MFSD12: variants seen among roughly 807,000 people sequenced by gnomAD.
MFSD12 encodes the protein major facilitator superfamily domain-containing protein 12.
A neutral mutation model predicts 51.2 loss-of-function variants in MFSD12; 67 were observed. The observed-to-expected ratio is 1.31, with a 90% CI of 1.08 to 1.60. MFSD12 has a LOEUF of 1.60. Among genes scored for constraint, MFSD12 ranks in the 40% most tolerant of loss-of-function variants. The probability of loss-of-function intolerance (pLI) is 0.00; values close to 1 mark genes in which losing one functional copy is unlikely to be tolerated. For missense variants in MFSD12, 921 were observed against 673.0 expected (o/e 1.37, Z -4.08); for synonymous variants, 441 against 316.7 (o/e 1.39, Z -4.17).
Position 3,551,547 on chromosome 19 carries a change from G to A in MFSD12, c.299-353C>T, listed in dbSNP as rs540952185. Among the ~76,000 whole-genome samples the A allele has an allele frequency of 3.3e-5, 5 of 152,198 alleles. No individual in the cohort carries two copies. In the South Asian group the frequency reaches 1.0e-3, roughly 32 times the overall value. On this transcript the variant is annotated intron_variant, in intron 1 of 9. Transcript: ENST00000355415. The surrounding 1 kb of genome is among the most constrained non-coding windows in gnomAD (Gnocchi z 4.6). ...CAAGCCTCCCATAGGGCCTCGGGGA[G>A]CGGGAGGCCCAGGTGGGCCTGGGCT... is the stretch of plus-strand genomic sequence containing the variant.
intron 1 of MFSD12, among the ~76,000 whole-genome samples, chr19:3,554,038 C>T (rs150101712): frequency 5.3e-5 from 8 of 151,746 alleles, no homozygotes; most frequent in Non-Finnish European, 8.8e-5. Flanking sequence ...GCTGAGATCA[C>T]GCCACTGCCT....
chr19:3,545,946 C>T (rs999654192), intron 8 of MFSD12, 128 bp downstream of exon 8: 8 of 905,672 alleles, frequency 8.8e-6, no homozygotes, highest in African/African-American at 1.6e-5. Context: ...CTGCCTATGA[C>T]TCCCATTGGG....
At chr19:3,543,201 A>G (rs1048293143), downstream of MFSD12, 19 of 1,533,378 alleles carry the variant, frequency 1.2e-5, no homozygotes, top group Admixed American at 5.9e-5. Flanking sequence ...CGCTGTAGAC[A>G]TGGGCTCAGT....
downstream of MFSD12, chr19:3,543,890 C>G: frequency 1.9e-6 from 3 of 1,550,862 alleles, no homozygotes; most frequent in Non-Finnish European, 2.6e-6. Flanking sequence ...ACGTGCCCTC[C>G]CTGTCGGCAC....
chr19:3,540,035 T>G (rs966846546), downstream of MFSD12: 1 of 151,938 alleles, frequency 6.6e-6, no homozygotes, highest in African/African-American at 2.4e-5. Context: ...GAGGATCACT[T>G]GAGCCCAGGA....
Position 3,544,208 on chromosome 19 carries a change from CTCTT to C in MFSD12, c.*498_*501del, listed in dbSNP as rs1230401691. ...CAGACAGGAGCCAGGCTGCCGTCAT[CTCTT>C]TATTTGCTGCCAGCAGAGTCCACCA... On this transcript the variant is annotated 3_prime_UTR_variant, in exon 10 of 10. Transcript: ENST00000355415. 331 of 1,356,298 alleles carry C rather than the reference CTCTT, an allele frequency of 2.4e-4. No individual in the cohort carries two copies. In the Middle Eastern group the frequency reaches 2.9e-3, roughly 12 times the overall value. The allele number at this position is 1,356,298 out of a possible 1,614,324, so 84.0% of individuals were successfully genotyped here. A position where few individuals can be genotyped will look rare whatever the true frequency, so the allele number is the denominator to read the frequency against.
chr19:3,544,062 C>G (rs1427529827), downstream of MFSD12: 5 of 1,478,002 alleles, frequency 3.4e-6, no homozygotes, highest in Non-Finnish European at 4.5e-6. Context: ...TGAGGGGGCA[C>G]TAACCTAGTC....
chr19:3,539,211 T>C, downstream of MFSD12: 1 of 1,548,302 alleles, frequency 6.5e-7, no homozygotes, highest in South Asian at 1.2e-5. Flanking sequence ...TGCACGGCCC[T>C]GTATCCCCTC....
chr19:3,543,978 TC>T (rs774871094), downstream of MFSD12: 8 of 1,546,596 alleles, frequency 5.2e-6, no homozygotes, highest in Middle Eastern at 1.7e-4. Flanking sequence ...CTGCCAGCGG[TC>T]CCCGCCTTCC....
intron 2 of MFSD12, among the ~76,000 whole-genome samples, chr19:3,549,704 CAG>C (rs2031358066): frequency 8.3e-6 from 1 of 120,342 alleles, no homozygotes; most frequent in African/African-American, 3.3e-5. Context: ...GCCTGGGTGA[CAG>C]AGTGAGACTC....
At chr19:3,539,392 C>CCTCCTGCTCTTCCT, downstream of MFSD12, 3 of 624,536 alleles carry the variant, frequency 4.8e-6, no homozygotes, top group South Asian at 5.6e-5. Context: ...ATGTGTGTGA[C>CCTCCTGCTCTTCCT]GTCCCCTCCA....
intron 1 of MFSD12, among the ~76,000 whole-genome samples, chr19:3,553,116 T>G (rs1599839676): frequency 6.6e-6 from 1 of 151,090 alleles, no homozygotes; most frequent in Admixed American, 6.6e-5. Context: ...CCTGGGAGGG[T>G]TTGCGCAGAT....
intron 1 of MFSD12, among the ~76,000 whole-genome samples, chr19:3,552,340 G>T (rs2145214264): frequency 2.0e-5 from 3 of 151,544 alleles, no homozygotes; most frequent in Admixed American, 2.0e-4. Context: ...GCTAATTTTT[G>T]TATTTTTAGT....
At chr19:3,543,659 C>A, downstream of MFSD12, 1 of 1,541,510 alleles carries the variant, frequency 6.5e-7, no homozygotes, top group Non-Finnish European at 8.7e-7. Context: ...GAAAGACAGG[C>A]CAATCCGGGG....
Position 3,544,229 on chromosome 19 carries a change from A to C in MFSD12, c.*481T>G. On this transcript the variant is annotated 3_prime_UTR_variant, in exon 10 of 10. Transcript: ENST00000355415. ...TCATCTCTTTATTTGCTGCCAGCAG[A>C]GTCCACCAAGCCTGCCGGGCAGCCC... 1 of 1,327,524 alleles carries C rather than the reference A, an allele frequency of 7.5e-7. No homozygotes were observed. The highest frequency in any genetic ancestry group is 9.6e-7 in the Non-Finnish European group (1 of 1,040,200). 82.2% of individuals were successfully genotyped at this position (1,327,524 alleles called of 1,614,324 possible).
Position 3,547,892 on chromosome 19 carries a change from G to A in MFSD12, c.793C>T (p.Leu265=), listed in dbSNP as rs1469203233. The A allele has an allele frequency of 7.1e-6, 11 of 1,555,794 alleles. No individual in the cohort carries two copies. In the East Asian group the frequency reaches 1.6e-4, roughly 23 times the overall value. ...PLLAPATAQP[L]LLWKHWLREP... ...CGGAGCCAGTGCTTCCAGAGCAGCAGGGGCTGGGCCGTGGCAGGGGCCAAC... is the reference window on the plus strand; with the variant it reads ...CGGAGCCAGTGCTTCCAGAGCAGCAAGGGCTGGGCCGTGGCAGGGGCCAAC... Residue 265 remains leucine, a synonymous_variant, in exon 4 of 10, where the codon CTG becomes TTG. Coordinates refer to ENST00000355415, the MANE Select transcript of MFSD12 (RefSeq NM_174983.5).
chr19:3,543,483 C>CCG (rs1190025018), downstream of MFSD12: 2 of 1,500,448 alleles, frequency 1.3e-6, no homozygotes, highest in African/African-American at 2.8e-5. Context: ...GGTGAGTGCC[C>CCG]CCCCCCCCGC....
downstream of MFSD12, chr19:3,543,413 C>A (rs559402942): frequency 9.0e-6 from 14 of 1,547,874 alleles, no homozygotes; most frequent in African/African-American, 2.7e-5. Context: ...CAGCCCCTTC[C>A]GCGAGGCCTA....
At chr19:3,547,134 G>T (rs772571907) in intron 6 of MFSD12, 138 bp downstream of exon 6, 5 of 761,436 alleles carry the variant, frequency 6.6e-6, no homozygotes, top group Admixed American at 4.2e-5. Context: ...CACCGTGCCC[G>T]GCCTAGATCT....
Sources: allele counts gnomAD v4.1 joint callset (sites outside exome capture counted in the v4.1 genomes callset), GRCh38; gene constraint gnomAD v4.1.1; non-coding constraint Gnocchi (gnomAD v3.1); transcripts MANE v1.5; gene names NCBI Gene and HGNC (gene_info 2026-07-23, HGNC 2026-07-21).